The following CPB2 variants were observed in gnomAD, a reference collection of about 807,000 sequenced individuals.
CPB2 encodes carboxypeptidase B2, also known as carboxypeptidase B-like protein.
In CPB2, 54 loss-of-function variants were observed where a neutral mutation model predicts 57.0. The observed-to-expected ratio is 0.95, with a 90% confidence interval of 0.76 to 1.19. CPB2 has a LOEUF of 1.19. Ranked by LOEUF, CPB2 falls within the 50% of genes most tolerant of loss-of-function variation. CPB2 has a pLI of 0.00. For missense variants in CPB2, 426 were observed against 512.0 expected, an observed-to-expected ratio of 0.83 and a Z score of 1.62; for synonymous variants, 189 against 178.1, an observed-to-expected ratio of 1.06 and a Z score of -0.49.
intron 1 of CPB2, among the ~76,000 whole-genome samples, chr13:46,097,775 A>C (rs1240871472): frequency 6.6e-6 from 1 of 152,212 alleles, no homozygotes; most frequent in Non-Finnish European, 1.5e-5. Context: ...ACATGGTTCC[A>C]GGAACCAAGT....
intron 7 of CPB2, 130 bp from the exon 8 acceptor site, chr13:46,064,871 A>C (rs1465119175): frequency 1.5e-6 from 1 of 680,452 alleles, no homozygotes; most frequent in Non-Finnish European, 2.6e-6. Flanking sequence ...GCATGGCTTC[A>C]TCACATCACT....
chr13:46,063,505 C>T (rs996141761), intron 8 of CPB2, among the ~76,000 whole-genome samples: 1 of 152,116 alleles, frequency 6.6e-6, no homozygotes, highest in South Asian at 2.1e-4. Flanking sequence ...TAATTTTGTT[C>T]TTTTTTATGG....
intron 8 of CPB2, among the ~76,000 whole-genome samples, chr13:46,062,309 C>T (rs2139354328): frequency 6.6e-6 from 1 of 152,292 alleles, no homozygotes; most frequent in African/African-American, 2.4e-5. Context: ...CCAGCTCTGC[C>T]ACGTACTTGC....
chr13:46,070,708 A>T (rs1054037172), intron 6 of CPB2, among the ~76,000 whole-genome samples: 3 of 152,206 alleles, frequency 2.0e-5, no homozygotes, highest in Non-Finnish European at 4.4e-5. Flanking sequence ...TGTCATTTTC[A>T]TTACCATTAC....
At position 46,079,535 on chromosome 13, in the gene CPB2, CA is replaced by C. The variant is rs58164990; in HGVS notation, c.385-635del. 6.5e-3 allele frequency among the ~76,000 whole-genome samples: 723 copies of C among 110,918 alleles called. 3 individuals are homozygous for C. Among genetic ancestry groups the C allele is most frequent in the East Asian group, 0.053 (198 of 3,738 alleles). 72.8% of individuals were successfully genotyped at this position (110,918 alleles called of 152,430 possible). A position where few individuals can be genotyped will look rare whatever the true frequency, so the allele number is the denominator to read the frequency against. ...TCAAGATAATAGGGGAAGGAAAAAG[CA>C]AAAAAAAAAAAAAAAAAAAGAAAAG... is the stretch of plus-strand genomic sequence containing the variant. On this transcript the variant is annotated intron_variant, in intron 4 of 10. Coordinates refer to ENST00000181383, the MANE Select transcript of CPB2 (RefSeq NM_001872.5).
intron 3 of CPB2, among the ~76,000 whole-genome samples, chr13:46,083,258 A>G (rs1417082056): frequency 6.6e-6 from 1 of 152,210 alleles, no homozygotes; most frequent in Non-Finnish European, 1.5e-5. Context: ...TAACTCTGCC[A>G]TGTTCTTTCT....
In CPB2 at chr13:46,058,181, G is replaced by A; in HGVS notation, c.997C>T (p.Leu333=). ...TRSKSKDHEE[L]SLVASEAVRA... is the part of the protein sequence containing the mutation. ...AAAAATAATTAAGTAGCACTTACCAGTTCCTCATGGTCTTTGCTTTTACTT... is the reference window on the plus strand; with the variant it reads ...AAAAATAATTAAGTAGCACTTACCAATTCCTCATGGTCTTTGCTTTTACTT... The change falls in exon 9 of 11, where the codon CTG becomes TTG. Residue 333 remains leucine, a splice_region_variant and synonymous_variant. Coordinates refer to ENST00000181383, the MANE Select transcript of CPB2 (RefSeq NM_001872.5). 1.2e-6 allele frequency: 2 copies of A among 1,608,606 alleles called. No individual in the cohort carries two copies. Among genetic ancestry groups the A allele is most frequent in the Non-Finnish European group, 1.7e-6 (2 of 1,175,294 alleles).
intron 5 of CPB2, among the ~76,000 whole-genome samples, chr13:46,077,141 A>G (rs540876240): frequency 6.6e-6 from 1 of 152,168 alleles, no homozygotes; most frequent in African/African-American, 2.4e-5. Context: ...GTGAAAAGAA[A>G]AAAATGGGAG....
At position 46,053,821 on chromosome 13, in the gene CPB2, G is replaced by A. The variant is rs758679438; in HGVS notation, c.1088-23C>T. ...GGTCTAAAAGAAGAAGAAAGAAATT[G>A]TTGAAATACAGACGTTTCAAATTAA... On this transcript the variant is annotated intron_variant, in intron 10 of 10. Transcript: ENST00000181383. 3.1e-6 allele frequency: 5 copies of A among 1,596,666 alleles called. No homozygotes were observed. In the Admixed American group the frequency reaches 8.5e-5, roughly 27 times the overall value.
At position 46,063,206 on chromosome 13, in the gene CPB2, G is replaced by T. The variant is rs1237291570; in HGVS notation, c.796+1442C>A. ...TCGGGTTCAGGGGGTACATGTGCAG[G>T]TTTTTTCCATGGATATATTGTGTGA... is the stretch of plus-strand genomic sequence containing the variant. On this transcript the variant is annotated intron_variant, in intron 8 of 10. Transcript: ENST00000181383. Among the ~76,000 whole-genome samples, 7 of 152,138 alleles carry T rather than the reference G, an allele frequency of 4.6e-5. 1 individual carries two copies. The highest frequency in any genetic ancestry group is 8.8e-5 in the Non-Finnish European group (6 of 68,014).
intron 8 of CPB2, among the ~76,000 whole-genome samples, chr13:46,061,429 A>C (rs1203832570): frequency 1.3e-5 from 2 of 152,186 alleles, no homozygotes; most frequent in African/African-American, 2.4e-5. Context: ...CCCCAATGTG[A>C]CTGTATTTAA....
chr13:46,065,690 A>G (rs1325488307), intron 7 of CPB2, among the ~76,000 whole-genome samples: 1 of 148,836 alleles, frequency 6.7e-6, no homozygotes, highest in African/African-American at 2.5e-5. Context: ...GTTTGGGATG[A>G]TGTAGCACCC....
Position 46,084,286 on chromosome 13 carries a change from A to C in CPB2, c.208T>G (p.Phe70Val). 1 of 1,614,194 alleles carries C rather than the reference A, an allele frequency of 6.2e-7. No homozygotes were observed. The highest frequency in any genetic ancestry group is 8.5e-7 in the Non-Finnish European group (1 of 1,180,026). ...DLIVKKKQVH[F>V]FVNASDVDNV... ...TCGACATCAGATGCATTTACAAAAA[A>C]ATGGACTTGTTTTTTCTTCACAATA... Residue 70 changes from phenylalanine (F) to valine (V), a missense_variant, in exon 3 of 11, where the codon TTT (phenylalanine) becomes GTT (valine). By Grantham distance (50) the Phe-to-Val change is conservative. Transcript: ENST00000181383.
At chr13:46,070,490 G>T (rs556702380) in intron 6 of CPB2, among the ~76,000 whole-genome samples, 8 of 152,212 alleles carry the variant, frequency 5.3e-5, no homozygotes, top group African/African-American at 1.7e-4. Context: ...TGATTACTCA[G>T]CTCTTCCTCT....
intron 8 of CPB2, among the ~76,000 whole-genome samples, chr13:46,063,912 G>C (rs752080916): frequency 6.6e-6 from 1 of 151,584 alleles, no homozygotes; most frequent in African/African-American, 2.4e-5. Context: ...AAAGTGAATA[G>C]TGAAAAAAAT....
At chr13:46,099,725 A>G (rs147371832) in intron 1 of CPB2, 1 of 152,308 alleles carries the variant, frequency 6.6e-6, no homozygotes. Flanking sequence ...TAGATAATCT[A>G]TTATATTGAA....
At position 46,062,635 on chromosome 13, in the gene CPB2, T is replaced by TA. The variant is rs547293352; in HGVS notation, c.796+2012dup. ...TTCCTCTGAGTTCCTACCATATCTG[T>TA]AGCTCTCAGAGCAACTAAATTCATT... On this transcript the variant is annotated intron_variant, in intron 8 of 10. Coordinates refer to ENST00000181383, the MANE Select transcript of CPB2 (RefSeq NM_001872.5). Among the ~76,000 whole-genome samples the TA allele has an allele frequency of 3.0e-3, 457 of 152,336 alleles. 4 individuals are homozygous for TA. The highest frequency in any genetic ancestry group is 0.011 in the African/African-American group (442 of 41,566).
At chr13:46,057,675 A>T (rs947875507) in intron 9 of CPB2, among the ~76,000 whole-genome samples, 5 of 151,744 alleles carry the variant, frequency 3.3e-5, no homozygotes, top group African/African-American at 1.2e-4. Context: ...CAAAAAACAG[A>T]CTCTCTCCTC....
chr13:46,083,800 A>T (rs2045156045), intron 3 of CPB2, among the ~76,000 whole-genome samples: 2 of 152,222 alleles, frequency 1.3e-5, no homozygotes, highest in African/African-American at 4.8e-5. Context: ...TACACTTTTT[A>T]AAGCCAGACA....
Sources: gnomAD v4.1 joint callset for allele counts (sites outside exome capture counted in the v4.1 genomes callset) on GRCh38, gnomAD v4.1.1 for gene constraint, MANE v1.5 for transcripts, NCBI Gene and HGNC (gene_info 2026-07-23, HGNC 2026-07-21) for gene names.